Variants in SLC11A2 observed in about 807,000 individuals in gnomAD.
SLC11A2 encodes the protein solute carrier family 11 member 2, also known as natural resistance-associated macrophage protein 2.
SLC11A2 carries 38 observed loss-of-function variants against 68.0 expected under a neutral mutation model. The ratio of observed to expected loss-of-function variants is 0.56; its 90% confidence interval spans 0.43 to 0.73. The LOEUF (loss-of-function observed/expected upper bound fraction) is 0.73, where lower values mean the gene tolerates loss of function less well. Ranked by LOEUF, SLC11A2 falls within the 30% of genes least tolerant of loss-of-function variation. SLC11A2 has a pLI of 0.00. For synonymous variants in SLC11A2, 242 were observed against 250.6 expected (o/e 0.97, Z 0.32); for missense variants, 517 against 690.5 (o/e 0.75, Z 2.82).
At chr12:51,002,638 CAAAAA>C (rs755823057) in intron 5 of SLC11A2, among the ~76,000 whole-genome samples, 4 of 71,784 alleles carry the variant, frequency 5.6e-5, no homozygotes, top group African/African-American at 2.0e-4. Flanking sequence ...GACTTGGTCT[CAAAAA>C]AAAAAAAAAA....
intron 8 of SLC11A2, among the ~76,000 whole-genome samples, chr12:50,997,427 T>G (rs1043491974): frequency 2.0e-5 from 3 of 151,912 alleles, no homozygotes; most frequent in African/African-American, 7.3e-5. Flanking sequence ...AAGGGCTGGG[T>G]GCGGTGGCTC....
At chr12:50,985,819 C>A (rs900597107), downstream of SLC11A2, among the ~76,000 whole-genome samples, 2 of 152,136 alleles carry the variant, frequency 1.3e-5, no homozygotes, top group Non-Finnish European at 2.9e-5. Context: ...TCCAAGCTTT[C>A]TGAGGACTAA....
rs1192916188 is a variant in SLC11A2 at position 51,004,760 on chromosome 12, G to C, written c.429+28C>G. On this transcript the variant is annotated intron_variant, in intron 5 of 15. Transcript: ENST00000262052. ...ACACAGATTCCTATGGCATGGGTGA[G>C]AGACAAACAGGACAATACATTGCTC... The C allele has an allele frequency of 1.9e-6, 3 of 1,612,322 alleles. No homozygotes were observed. The African/African-American group carries it at 4.0e-5, about 22-fold the overall frequency.
chr12:50,975,123 C>T (rs1939832019), downstream of SLC11A2, among the ~76,000 whole-genome samples: 1 of 152,182 alleles, frequency 6.6e-6, no homozygotes. Context: ...TTGAACTCAG[C>T]TCTGCACCAA....
At position 50,986,692 on chromosome 12, in the gene SLC11A2, G is replaced by C. The variant is rs1255647819; in HGVS notation, c.*1633C>G. On this transcript the variant is annotated 3_prime_UTR_variant, in exon 16 of 16. Transcript: ENST00000262052. The stretch of plus-strand genomic sequence containing the variant: ...CAGTTTGGAGAATTACGATGGTAAG[G>C]GGAAGAGGCAGATATGAAGAGGAAT... 3.8e-5 allele frequency: 49 copies of C among 1,286,764 alleles called. No individual in the cohort carries two copies. The highest frequency in any genetic ancestry group is 1.3e-5 in the Non-Finnish European group (13 of 988,464). 79.7% of individuals were successfully genotyped at this position (1,286,764 alleles called of 1,614,324 possible). A position where few individuals can be genotyped will look rare whatever the true frequency, so the allele number is the denominator to read the frequency against.
At chr12:50,979,696 G>A (rs990137669), downstream of SLC11A2, 3 of 379,372 alleles carry the variant, frequency 7.9e-6, no homozygotes, top group African/African-American at 2.1e-5. Context: ...AAGAGGCCCT[G>A]AAGTAGAAAT....
At chr12:51,003,563 C>A (rs1287487459) in intron 5 of SLC11A2, among the ~76,000 whole-genome samples, 7 of 147,026 alleles carry the variant, frequency 4.8e-5, no homozygotes, top group Admixed American at 1.4e-4. Flanking sequence ...AAAAAAAAAA[C>A]AAAACAAACA....
chr12:50,968,875 C>T, the SLC11A2 span, among the ~76,000 whole-genome samples: 4 of 151,382 alleles, frequency 2.6e-5, no homozygotes, highest in Non-Finnish European at 2.9e-5. Context: ...AAATGGGTCT[C>T]GCTATTTTGA....
intron 8 of SLC11A2, among the ~76,000 whole-genome samples, chr12:50,997,428 G>T (rs556171580): frequency 2.0e-4 from 30 of 152,226 alleles, no homozygotes; most frequent in South Asian, 1.2e-3. Context: ...AGGGCTGGGT[G>T]CGGTGGCTCA....
At chr12:51,004,182 A>G (rs922374875) in intron 5 of SLC11A2, among the ~76,000 whole-genome samples, 3 of 152,196 alleles carry the variant, frequency 2.0e-5, no homozygotes, top group Admixed American at 2.0e-4. Flanking sequence ...AGGAAAAGAA[A>G]CAAAACAAGA....
At chr12:51,021,850 G>A (rs1161877404) in intron 1 of SLC11A2, among the ~76,000 whole-genome samples, 1 of 152,154 alleles carries the variant, frequency 6.6e-6, no homozygotes, top group Non-Finnish European at 1.5e-5. Context: ...AATGAAACCA[G>A]CTGCCTGGGT....
downstream of SLC11A2, among the ~76,000 whole-genome samples, chr12:50,982,938 C>CAAAAAA (rs34727368): frequency 2.0e-4 from 18 of 90,032 alleles, no homozygotes; most frequent in African/African-American, 7.2e-4. Flanking sequence ...GAGACTCCGT[C>CAAAAAA]AAAAAAAAAA....
chr12:50,956,348 C>A, the SLC11A2 span, among the ~76,000 whole-genome samples: 2 of 152,030 alleles, frequency 1.3e-5, no homozygotes, highest in Non-Finnish European at 2.9e-5. Context: ...GCCAAGATTG[C>A]GCCACTGCAC....
chr12:50,993,006 G>A, intron 11 of SLC11A2, 77 bp from the exon 12 acceptor site: 1 of 1,565,230 alleles, frequency 6.4e-7, no homozygotes, highest in Non-Finnish European at 8.8e-7. Context: ...AGTTCCCTGT[G>A]GCATTTCTCC....
intron 1 of SLC11A2, among the ~76,000 whole-genome samples, chr12:51,014,439 A>C (rs769112562): frequency 1.3e-5 from 2 of 152,242 alleles, no homozygotes; most frequent in Non-Finnish European, 2.9e-5. Context: ...TTCGTCTTCT[A>C]TCTGAAATCT....
In SLC11A2 at chr12:51,018,180, A is replaced by C. The variant is rs1268976706; in HGVS notation, c.-38-7414T>G. 2.6e-5 allele frequency among the ~76,000 whole-genome samples: 4 copies of C among 152,168 alleles called. No individual in the cohort carries two copies. The South Asian group carries it at 8.3e-4, about 31-fold the overall frequency. ...GAAGCCAAGGTGGGTGGATCACTTGAGGTCAGGAGGTCGAGACCAGCCTGG... is the reference window on the plus strand; with the variant it reads ...GAAGCCAAGGTGGGTGGATCACTTGCGGTCAGGAGGTCGAGACCAGCCTGG... On this transcript the variant is annotated intron_variant, in intron 1 of 15. Coordinates refer to ENST00000262052, the MANE Select transcript of SLC11A2 (RefSeq NM_000617.3).
At chr12:51,017,285 T>C (rs1943730761) in intron 1 of SLC11A2, among the ~76,000 whole-genome samples, 1 of 152,198 alleles carries the variant, frequency 6.6e-6, no homozygotes, top group Non-Finnish European at 1.5e-5. Flanking sequence ...TTGGACAGAA[T>C]ACCATGCAAC....
At chr12:50,957,982 G>GTGTGTA in the SLC11A2 span, among the ~76,000 whole-genome samples, 5 of 142,678 alleles carry the variant, frequency 3.5e-5, no homozygotes, top group Non-Finnish European at 6.1e-5. Flanking sequence ...GTGTGTGTGT[G>GTGTGTA]TGTAGTAGAG....
At chr12:50,967,257 C>A in the SLC11A2 span, among the ~76,000 whole-genome samples, 13 of 152,122 alleles carry the variant, frequency 8.5e-5, no homozygotes, top group Non-Finnish European at 8.8e-5. Flanking sequence ...GATCCTCCTG[C>A]CTGCCTCATT....
Sources: gnomAD v4.1 joint callset for allele counts (sites outside exome capture counted in the v4.1 genomes callset) on GRCh38, gnomAD v4.1.1 for gene constraint, MANE v1.5 for transcripts, NCBI Gene and HGNC (gene_info 2026-07-23, HGNC 2026-07-21) for gene names.